B3GALT1: variants seen among roughly 807,000 people sequenced by gnomAD.
B3GALT1 encodes the protein beta-1,3-galactosyltransferase 1.
A neutral mutation model predicts 23.2 loss-of-function variants in B3GALT1; 10 were observed. The ratio of observed to expected loss-of-function variants is 0.43; its 90% CI spans 0.27 to 0.73. The LOEUF (loss-of-function observed/expected upper bound fraction) is 0.73, where lower values mean the gene tolerates loss of function less well. Ranked by LOEUF, B3GALT1 falls within the 30% of genes least tolerant of loss-of-function variation. The probability of loss-of-function intolerance (pLI) is 0.21; values close to 1 mark genes in which losing one functional copy is unlikely to be tolerated. For missense variants in B3GALT1, 299 were observed against 405.4 expected, an observed-to-expected ratio of 0.74 and a Z score of 2.25; for synonymous variants, 156 against 141.5, an observed-to-expected ratio of 1.10 and a Z score of -0.73.
intron 2 of B3GALT1, among the ~76,000 whole-genome samples, chr2:167,567,502 GA>G (rs1684193971): frequency 6.6e-6 from 1 of 152,056 alleles, no homozygotes; most frequent in African/African-American, 2.4e-5. Context: ...ATTGGCTTTT[GA>G]AAAAATATCT....
intron 3 of B3GALT1, among the ~76,000 whole-genome samples, chr2:167,691,258 A>G (rs1686706161): frequency 6.6e-6 from 1 of 152,110 alleles, no homozygotes; most frequent in Non-Finnish European, 1.5e-5. Context: ...TTTGCTTCAA[A>G]GTGTATTTAA....
intron 3 of B3GALT1, among the ~76,000 whole-genome samples, chr2:167,681,679 A>T (rs13416657): frequency 6.6e-6 from 1 of 152,232 alleles, no homozygotes; most frequent in Non-Finnish European, 1.5e-5. Flanking sequence ...GCTACTTCCA[A>T]TCAGTATCAC....
intron 1 of B3GALT1, among the ~76,000 whole-genome samples, chr2:167,460,244 GT>G (rs1699238752): frequency 6.6e-6 from 1 of 152,094 alleles, no homozygotes; most frequent in Admixed American, 6.6e-5. Flanking sequence ...CACATATACT[GT>G]TTTGCTTGAT....
At chr2:167,566,553 A>G (rs114922340) in intron 2 of B3GALT1, among the ~76,000 whole-genome samples, 5,491 of 102,514 alleles carry the variant, frequency 0.054, 168 homozygotes, top group African/African-American at 0.2. Flanking sequence ...ATAAACTTTA[A>G]AAAAAAAGAC....
At chr2:167,576,545 G>GTTTTTTTTTTTTT (rs533383227) in intron 2 of B3GALT1, among the ~76,000 whole-genome samples, 1 of 98,226 alleles carries the variant, frequency 1.0e-5, no homozygotes, top group Non-Finnish European at 2.3e-5. Context: ...TTTTTTTTTT[G>GTTTTTTTTTTTTT]TTTTTTTTTC....
At chr2:167,420,964 C>T (rs888771389) in intron 1 of B3GALT1, among the ~76,000 whole-genome samples, 2 of 152,066 alleles carry the variant, frequency 1.3e-5, no homozygotes, top group Non-Finnish European at 2.9e-5. Context: ...ACTAATGTCA[C>T]CAGCTAGACA....
At chr2:167,300,308 C>T (rs1696424828) in intron 1 of B3GALT1, among the ~76,000 whole-genome samples, 1 of 152,078 alleles carries the variant, frequency 6.6e-6, no homozygotes, top group African/African-American at 2.4e-5. Flanking sequence ...TATTAAAATT[C>T]AAAAGCTTCC....
At chr2:167,399,032 G>A (rs1336692904) in intron 1 of B3GALT1, among the ~76,000 whole-genome samples, 2 of 152,122 alleles carry the variant, frequency 1.3e-5, no homozygotes, top group Non-Finnish European at 2.9e-5. Context: ...TCTAGATATG[G>A]CAAACTGCCA....
intron 4 of B3GALT1, among the ~76,000 whole-genome samples, chr2:167,855,404 T>C (rs1689982054): frequency 6.6e-6 from 1 of 152,126 alleles, no homozygotes; most frequent in African/African-American, 2.4e-5. Context: ...CTCAGCTTTC[T>C]CTTCTGTAAA....
At chr2:167,612,349 A>G (rs1178071386) in intron 2 of B3GALT1, among the ~76,000 whole-genome samples, 1 of 144,712 alleles carries the variant, frequency 6.9e-6, no homozygotes, top group Non-Finnish European at 1.5e-5. Context: ...AAATGGTTTT[A>G]GCAGATATTA....
chr2:167,525,087 G>C (rs1395921282), intron 2 of B3GALT1, among the ~76,000 whole-genome samples: 1 of 152,094 alleles, frequency 6.6e-6, no homozygotes, highest in Non-Finnish European at 1.5e-5. Context: ...TTGATAAAAT[G>C]GTAGGTATAT....
At chr2:167,819,876 T>A (rs1263238153) in intron 4 of B3GALT1, among the ~76,000 whole-genome samples, 1 of 152,224 alleles carries the variant, frequency 6.6e-6, no homozygotes, top group Non-Finnish European at 1.5e-5. Context: ...GAGATTTCTC[T>A]AAGGTTTCAG....
chr2:167,665,139 C>T (rs2105476719), intron 3 of B3GALT1, among the ~76,000 whole-genome samples: 1 of 151,644 alleles, frequency 6.6e-6, no homozygotes, highest in Admixed American at 6.5e-5. Context: ...TATGTCCCAT[C>T]AATACCTAAT....
intron 1 of B3GALT1, among the ~76,000 whole-genome samples, chr2:167,431,089 T>A (rs2105307324): frequency 6.6e-6 from 1 of 152,344 alleles, no homozygotes; most frequent in South Asian, 2.1e-4. Flanking sequence ...ATCCATGTAC[T>A]TTGATAGCCA....
chr2:167,746,108 G>A (rs774286530), intron 3 of B3GALT1, among the ~76,000 whole-genome samples: 9 of 151,078 alleles, frequency 6.0e-5, no homozygotes, highest in Non-Finnish European at 1.2e-4. Flanking sequence ...TCATTTCAAA[G>A]GTAAAGGAGA....
At chr2:167,787,473 A>G (rs566805379) in intron 3 of B3GALT1, among the ~76,000 whole-genome samples, 1 of 152,340 alleles carries the variant, frequency 6.6e-6, no homozygotes, top group South Asian at 2.1e-4. Flanking sequence ...AAATTGAATA[A>G]AAACTTTCTG....
At chr2:167,455,062 A>G (rs1244140771) in intron 1 of B3GALT1, among the ~76,000 whole-genome samples, 1 of 152,258 alleles carries the variant, frequency 6.6e-6, no homozygotes, top group African/African-American at 2.4e-5. Context: ...TTCATTTGCA[A>G]GAATTCCATG....
At chr2:167,460,826 A>G (rs1308852712) in intron 1 of B3GALT1, among the ~76,000 whole-genome samples, 1 of 152,206 alleles carries the variant, frequency 6.6e-6, no homozygotes, top group Non-Finnish European at 1.5e-5. Flanking sequence ...TGTGCCAAGT[A>G]CTAAACTGAA....
intron 3 of B3GALT1, among the ~76,000 whole-genome samples, chr2:167,809,099 G>T (rs979933669): frequency 6.6e-6 from 1 of 151,974 alleles, no homozygotes; most frequent in African/African-American, 2.4e-5. Flanking sequence ...TTGTGCATTC[G>T]TCACGTAGTC....
Sources: allele counts gnomAD v4.1 joint callset (sites outside exome capture counted in the v4.1 genomes callset), GRCh38; gene constraint gnomAD v4.1.1; transcripts MANE v1.5; gene names NCBI Gene and HGNC (gene_info 2026-07-23, HGNC 2026-07-21).